Variants in PLCL1 observed in about 807,000 individuals in gnomAD.
PLCL1 encodes phospholipase C like 1 (inactive).
In PLCL1, 41 loss-of-function variants were observed where a neutral mutation model predicts 84.4. The observed-to-expected ratio is 0.49, with a 90% CI of 0.38 to 0.63. The LOEUF is 0.63. Among genes scored for constraint, PLCL1 ranks in the 30% least tolerant of loss-of-function variants. The pLI, the probability that PLCL1 is intolerant of heterozygous loss-of-function variation, is 0.00. For synonymous variants in PLCL1, 490 were observed against 488.3 expected (o/e 1.00, Z -0.05); for missense variants, 1,206 against 1,367.8 (o/e 0.88, Z 1.87).
intron 1 of PLCL1, among the ~76,000 whole-genome samples, chr2:197,914,309 C>T (rs1688546878): frequency 6.6e-6 from 1 of 151,478 alleles, no homozygotes; most frequent in South Asian, 2.1e-4. Context: ...GTCCTATTTG[C>T]TTTCACATTA....
intron 1 of PLCL1, among the ~76,000 whole-genome samples, chr2:197,875,274 A>G (rs1222038669): frequency 2.0e-5 from 3 of 152,156 alleles, no homozygotes; most frequent in African/African-American, 4.8e-5. Context: ...TGACAGAGGG[A>G]CACTCCATCT....
chr2:198,103,318 G>A (rs1200822058), intron 4 of PLCL1, among the ~76,000 whole-genome samples: 2 of 151,816 alleles, frequency 1.3e-5, no homozygotes, highest in Non-Finnish European at 2.9e-5. Flanking sequence ...TACATAGGAG[G>A]TGTATATATT....
intron 1 of PLCL1, among the ~76,000 whole-genome samples, chr2:197,978,554 C>A (rs992662952): frequency 1.3e-5 from 2 of 152,108 alleles, no homozygotes; most frequent in African/African-American, 4.8e-5. Context: ...AAAAACATCA[C>A]CAAAACTCGA....
At chr2:197,887,066 C>G (rs535202766) in intron 1 of PLCL1, among the ~76,000 whole-genome samples, 42 of 152,286 alleles carry the variant, frequency 2.8e-4, no homozygotes, top group African/African-American at 9.6e-4. Flanking sequence ...ATGTAATTCC[C>G]TAGAGACCTG....
At chr2:197,859,252 G>T (rs1687386136) in intron 1 of PLCL1, among the ~76,000 whole-genome samples, 1 of 152,008 alleles carries the variant, frequency 6.6e-6, no homozygotes, top group African/African-American at 2.4e-5. Context: ...TCTTATTTCT[G>T]CTGAGGTTAA....
At chr2:198,029,092 A>G (rs1401317778) in intron 1 of PLCL1, among the ~76,000 whole-genome samples, 1 of 152,194 alleles carries the variant, frequency 6.6e-6, no homozygotes, top group Non-Finnish European at 1.5e-5. Flanking sequence ...CAGCGTGATC[A>G]TGATCTTCAG....
At position 197,935,727 on chromosome 2, in the gene PLCL1, A is replaced by G. The variant is rs539524017; in HGVS notation, c.240+130388A>G. ...AACCCCTGTGACACACAATTTACCT[A>G]TACAACAAACCTGCATGTGTACCCC... On this transcript the variant is annotated intron_variant, in intron 1 of 5. Transcript: ENST00000428675. Among the ~76,000 whole-genome samples the G allele has an allele frequency of 5.3e-5, 8 of 152,288 alleles. No individual in the cohort carries two copies. In the East Asian group the frequency reaches 9.6e-4, roughly 18 times the overall value.
chr2:198,104,027 T>C (rs984943845), intron 5 of PLCL1, 91 bp downstream of exon 5: 21 of 587,060 alleles, frequency 3.6e-5, no homozygotes, highest in African/African-American at 3.5e-4. Flanking sequence ...TTAAATATGA[T>C]GGTTTGGATT....
At chr2:198,091,490 G>C (rs377320348) in intron 3 of PLCL1, among the ~76,000 whole-genome samples, 2 of 151,722 alleles carry the variant, frequency 1.3e-5, no homozygotes, top group East Asian at 1.9e-4. Flanking sequence ...GACCAGCCTG[G>C]CCAACATAGT....
At chr2:197,894,219 A>T (rs1248715011) in intron 1 of PLCL1, among the ~76,000 whole-genome samples, 1 of 151,992 alleles carries the variant, frequency 6.6e-6, no homozygotes, top group Non-Finnish European at 1.5e-5. Flanking sequence ...AGCTTTGTCA[A>T]CCTTAAAAGT....
At chr2:198,042,917 G>C (rs137906903) in intron 1 of PLCL1, among the ~76,000 whole-genome samples, 1 of 152,306 alleles carries the variant, frequency 6.6e-6, no homozygotes, top group Non-Finnish European at 1.5e-5. Flanking sequence ...GTCATCATCA[G>C]TATCCAATGA....
intron 1 of PLCL1, among the ~76,000 whole-genome samples, chr2:197,854,814 T>C (rs1559025991): frequency 6.6e-6 from 1 of 152,202 alleles, no homozygotes; most frequent in Non-Finnish European, 1.5e-5. Context: ...AGGGTCTCAG[T>C]TGGATGGCTT....
At chr2:197,877,644 G>T (rs1687760177) in intron 1 of PLCL1, among the ~76,000 whole-genome samples, 1 of 151,974 alleles carries the variant, frequency 6.6e-6, no homozygotes, top group African/African-American at 2.4e-5. Flanking sequence ...AGGCCTGACT[G>T]GTTTAAAATG....
intron 1 of PLCL1, among the ~76,000 whole-genome samples, chr2:197,924,102 G>A (rs903744135): frequency 1.4e-4 from 19 of 138,654 alleles, no homozygotes; most frequent in South Asian, 5.0e-4. Flanking sequence ...CAGCAGTACA[G>A]TCCAGCTTCG....
intron 3 of PLCL1, among the ~76,000 whole-genome samples, chr2:198,099,711 A>G (rs1693284732): frequency 6.6e-6 from 1 of 152,172 alleles, no homozygotes; most frequent in Non-Finnish European, 1.5e-5. Flanking sequence ...GACGTTTATT[A>G]GACAATGGGA....
At chr2:197,860,175 C>A (rs1025168430) in intron 1 of PLCL1, among the ~76,000 whole-genome samples, 2 of 151,976 alleles carry the variant, frequency 1.3e-5, no homozygotes, top group Non-Finnish European at 2.9e-5. Flanking sequence ...TGTCTTCTAG[C>A]TCCATTAATG....
chr2:198,118,921 A>G (rs1020737954), intron 5 of PLCL1, among the ~76,000 whole-genome samples: 1 of 151,984 alleles, frequency 6.6e-6, no homozygotes, highest in South Asian at 2.1e-4. Flanking sequence ...GATTTTCCCT[A>G]CTAAGGTTTA....
At chr2:198,090,141 G>T (rs1264168378) in intron 3 of PLCL1, among the ~76,000 whole-genome samples, 2 of 152,048 alleles carry the variant, frequency 1.3e-5, no homozygotes, top group East Asian at 3.9e-4. Flanking sequence ...AACATAGAAA[G>T]ATTAGCTAAG....
intron 5 of PLCL1, among the ~76,000 whole-genome samples, chr2:198,139,494 G>A (rs1250341942): frequency 3.3e-5 from 5 of 150,324 alleles, no homozygotes; most frequent in South Asian, 2.1e-4. Context: ...GCCTACTTCA[G>A]GTTTCTGGTG....
Sources: gnomAD v4.1 joint callset for allele counts (sites outside exome capture counted in the v4.1 genomes callset) on GRCh38, gnomAD v4.1.1 for gene constraint, MANE v1.5 for transcripts, NCBI Gene and HGNC (gene_info 2026-07-23, HGNC 2026-07-21) for gene names.